The following SLC44A5 variants were observed in gnomAD, a reference collection of about 807,000 sequenced individuals.
The protein encoded by SLC44A5 is choline transporter-like protein 5.
Under a neutral mutation model 101.8 loss-of-function variants are expected in SLC44A5, and 57 were observed. That is an observed-to-expected ratio of 0.56 (90% CI 0.45 to 0.70). The LOEUF (loss-of-function observed/expected upper bound fraction) is 0.70. SLC44A5 is among the 30% of genes least tolerant of loss of function. SLC44A5 has a pLI of 0.00. For missense variants in SLC44A5, 737 were observed against 853.1 expected, an observed-to-expected ratio of 0.86 and a Z score of 1.70; for synonymous variants, 281 against 290.9, an observed-to-expected ratio of 0.97 and a Z score of 0.35.
intron 1 of SLC44A5, among the ~76,000 whole-genome samples, chr1:75,580,570 T>C (rs528292899): frequency 1.3e-5 from 2 of 152,204 alleles, no homozygotes; most frequent in Non-Finnish European, 1.5e-5. Flanking sequence ...CCCAGCGCAG[T>C]GGCTCACACC....
At chr1:75,604,286 T>C (rs1462667051) in intron 1 of SLC44A5, among the ~76,000 whole-genome samples, 1 of 152,116 alleles carries the variant, frequency 6.6e-6, no homozygotes, top group Non-Finnish European at 1.5e-5. Context: ...TCCCCATTGC[T>C]GATTTTGGTT....
chr1:75,477,929 C>A (rs1459047184), intron 2 of SLC44A5, among the ~76,000 whole-genome samples: 3 of 151,952 alleles, frequency 2.0e-5, no homozygotes, highest in Non-Finnish European at 4.4e-5. Flanking sequence ...TCGAGAACAG[C>A]AACTCCAAGA....
At chr1:75,429,689 C>T (rs370296031) in intron 2 of SLC44A5, among the ~76,000 whole-genome samples, 4 of 152,052 alleles carry the variant, frequency 2.6e-5, no homozygotes, top group African/African-American at 9.7e-5. Context: ...TGAAGGGGAA[C>T]ATGTGTCACA....
intron 1 of SLC44A5, among the ~76,000 whole-genome samples, chr1:75,595,205 CTATTAAG>C (rs1256722559): frequency 6.6e-6 from 1 of 151,926 alleles, no homozygotes; most frequent in Non-Finnish European, 1.5e-5. Context: ...GAAAAGTCAC[CTATTAAG>C]TATTAACTAA....
At position 75,202,897 on chromosome 1, in the gene SLC44A5, G is replaced by A. The variant is rs868073778; in HGVS notation, c.*830C>T. On this transcript the variant is annotated 3_prime_UTR_variant, in exon 24 of 24. Transcript: ENST00000370859. Reference sequence around the variant, plus strand: ...AAAGAAATCCAACAAGTGTTCTTTCGGGGTTTGTTTCTTCTTGCGTGTAGT... The same window carrying A: ...AAAGAAATCCAACAAGTGTTCTTTCAGGGTTTGTTTCTTCTTGCGTGTAGT... 4 of 151,852 alleles carry A rather than the reference G, an allele frequency of 2.6e-5. No individual in the cohort carries two copies. The highest frequency in any genetic ancestry group is 4.8e-5 in the African/African-American group (2 of 41,448). The allele number at this position is 151,852 out of a possible 1,614,324, so 9.4% of individuals were successfully genotyped here.
chr1:75,705,201 C>T, the SLC44A5 span, among the ~76,000 whole-genome samples: 1 of 152,192 alleles, frequency 6.6e-6, no homozygotes, highest in Non-Finnish European at 1.5e-5. Context: ...GATATGTTCA[C>T]ATTGCTAACT....
At chr1:75,269,339 T>A (rs1047280982) in intron 6 of SLC44A5, among the ~76,000 whole-genome samples, 1 of 152,082 alleles carries the variant, frequency 6.6e-6, no homozygotes, top group African/African-American at 2.4e-5. Flanking sequence ...ATATATATGT[T>A]GAAAATATTT....
chr1:75,239,009 T>C (rs1384552945), intron 9 of SLC44A5, among the ~76,000 whole-genome samples: 1 of 152,140 alleles, frequency 6.6e-6, no homozygotes, highest in African/African-American at 2.4e-5. Context: ...AGTTTAGTTT[T>C]ACTATTAAAA....
At chr1:75,586,826 C>T (rs186552858) in intron 1 of SLC44A5, among the ~76,000 whole-genome samples, 1 of 152,180 alleles carries the variant, frequency 6.6e-6, no homozygotes, top group African/African-American at 2.4e-5. Context: ...ACGGTGCCTG[C>T]AGACAGTCAA....
At chr1:75,482,304 A>T (rs1570415713) in intron 2 of SLC44A5, among the ~76,000 whole-genome samples, 1 of 152,070 alleles carries the variant, frequency 6.6e-6, no homozygotes, top group South Asian at 2.1e-4. Flanking sequence ...TAGCATTAGG[A>T]GATATACCTA....
At chr1:75,329,223 T>C (rs905208381) in intron 4 of SLC44A5, among the ~76,000 whole-genome samples, 1 of 152,186 alleles carries the variant, frequency 6.6e-6, no homozygotes, top group Admixed American at 6.6e-5. Flanking sequence ...ACCTAGCAGT[T>C]TGAAAACTTC....
chr1:75,547,863 TAGTC>T (rs1181747338), intron 1 of SLC44A5, among the ~76,000 whole-genome samples: 4 of 152,160 alleles, frequency 2.6e-5, no homozygotes, highest in African/African-American at 9.6e-5. Flanking sequence ...TTTTGTTTCT[TAGTC>T]TTAAAAAATC....
intron 5 of SLC44A5, among the ~76,000 whole-genome samples, chr1:75,283,119 A>G (rs1373075670): frequency 6.6e-6 from 1 of 152,012 alleles, no homozygotes; most frequent in Non-Finnish European, 1.5e-5. Flanking sequence ...TTACATTCCC[A>G]CCAGCAGTGT....
At chr1:75,232,497 A>T (rs1157356219) in intron 12 of SLC44A5, among the ~76,000 whole-genome samples, 1 of 152,050 alleles carries the variant, frequency 6.6e-6, no homozygotes, top group Non-Finnish European at 1.5e-5. Context: ...GTGTTCCTGG[A>T]CCAGACTGAT....
rs1274953000 is a variant in SLC44A5, at chr1:75,385,805, C to T, written c.52+10778G>A. On this transcript the variant is annotated intron_variant, in intron 3 of 23. Coordinates refer to ENST00000370859, the MANE Select transcript of SLC44A5 (RefSeq NM_001130058.2). ...CTTGATGAACATTGATGCAAAAATC[C>T]TCAATAAAATACTGGCAAAACGAAT... Among the ~76,000 whole-genome samples the T allele has an allele frequency of 2.0e-5, 3 of 151,866 alleles. No homozygotes were observed. In the East Asian group the frequency reaches 5.8e-4, roughly 29 times the overall value.
chr1:75,606,150 G>A (rs1004187223), intron 1 of SLC44A5, among the ~76,000 whole-genome samples: 3 of 151,740 alleles, frequency 2.0e-5, no homozygotes, highest in Admixed American at 1.3e-4. Context: ...GTGAGGGAAT[G>A]GACTGCCACA....
At chr1:75,478,046 C>T (rs926277220) in intron 2 of SLC44A5, among the ~76,000 whole-genome samples, 23 of 152,162 alleles carry the variant, frequency 1.5e-4, no homozygotes, top group Non-Finnish European at 2.9e-4. Flanking sequence ...AGACTAACAG[C>T]GGATCTCCCG....
chr1:75,591,274 C>A lies in SLC44A5; in HGVS notation c.-70+19766G>T, dbSNP rs931463242. Among the ~76,000 whole-genome samples the A allele has an allele frequency of 2.8e-4, 42 of 152,078 alleles. 1 individual carries two copies. Among genetic ancestry groups the A allele is most frequent in the Admixed American group, 2.6e-3 (39 of 15,264 alleles). On this transcript the variant is annotated intron_variant, in intron 1 of 23. Transcript: ENST00000370859. ...GAAATCACCTTCACTAAAAGGAAGA[C>A]AAGAAGGAAGAAAACACCATAAAAC...
At chr1:75,461,283 T>C (rs1260011704) in intron 2 of SLC44A5, among the ~76,000 whole-genome samples, 1 of 152,200 alleles carries the variant, frequency 6.6e-6, no homozygotes, top group Non-Finnish European at 1.5e-5. Flanking sequence ...TTTAAAATTG[T>C]TCCCTAACCA....
Sources: gnomAD v4.1 joint callset for allele counts (sites outside exome capture counted in the v4.1 genomes callset) on GRCh38, gnomAD v4.1.1 for gene constraint, MANE v1.5 for transcripts, NCBI Gene and HGNC (gene_info 2026-07-23, HGNC 2026-07-21) for gene names.